Variants in PCNT observed in about 807,000 individuals in gnomAD.
PCNT encodes the protein kendrin.
In PCNT, 319 loss-of-function variants were observed where a neutral mutation model predicts 380.4. The ratio of observed to expected loss-of-function variants is 0.84; its 90% CI spans 0.77 to 0.92. The LOEUF is 0.92. PCNT is among the 40% of genes least tolerant of loss of function. The pLI is 0.00. For synonymous variants in PCNT, 1,845 were observed against 1,735.2 expected (o/e 1.06, Z -1.57); for missense variants, 4,400 against 4,255.3 (o/e 1.03, Z -0.95).
intron 15 of PCNT, among the ~76,000 whole-genome samples, chr21:46,380,582 C>T (rs1234673329): frequency 3.3e-5 from 5 of 151,830 alleles, no homozygotes; most frequent in African/African-American, 4.8e-5. Flanking sequence ...ATTCTGTCCC[C>T]CACCCCACCC....
chr21:46,380,583 C>T (rs574678495), intron 15 of PCNT, among the ~76,000 whole-genome samples: 30 of 152,044 alleles, frequency 2.0e-4, no homozygotes, highest in African/African-American at 6.8e-4. Context: ...TTCTGTCCCC[C>T]ACCCCACCCC....
Position 46,385,818 on chromosome 21 carries a change from AT to A in PCNT, c.3313-9del. ...AATTGTTTTAACGAAAGCTTTAACCATTTTTCTCGATAGCTGAAAGACCAGG... is the reference window on the plus strand; with the variant it reads ...AATTGTTTTAACGAAAGCTTTAACCATTTTCTCGATAGCTGAAAGACCAGG... On this transcript the variant is annotated splice_polypyrimidine_tract_variant and intron_variant, in intron 16 of 46. Transcript: ENST00000359568. The A allele has an allele frequency of 6.2e-7, 1 of 1,614,072 alleles. No individual in the cohort carries two copies. Among genetic ancestry groups the A allele is most frequent in the Non-Finnish European group, 8.5e-7 (1 of 1,179,950 alleles).
At position 46,354,039 on chromosome 21, in the gene PCNT, G is replaced by C. The variant is rs370083877; in HGVS notation, c.1732G>C (p.Val578Leu). Residue 578 changes from valine to leucine, a missense_variant, in exon 11 of 47, where the codon GTT becomes CTT. Val to Leu is a conservative substitution (Grantham distance 32). Coordinates refer to ENST00000359568, the MANE Select transcript of PCNT (RefSeq NM_006031.6). ...EKPEKGRKDH[V>L]DELEPERHKE... ...ACCTGAGAAAGGAAGAAAAGATCAC[G>C]TTGATGAACTCGAGCCTGAGCGACA... 6.2e-6 allele frequency: 10 copies of C among 1,613,998 alleles called. No individual in the cohort carries two copies. The highest frequency in any genetic ancestry group is 1.6e-4 in the Middle Eastern group (1 of 6,082).
rs746215755 is a variant in PCNT, at chr21:46,367,024, A to G, written c.3050A>G (p.Glu1017Gly). ...CAAACGATTTTGACTCAAGAGTTGGAGAAACTGAAGCGGAAACACGAAGGG... is the reference window on the plus strand; with the variant it reads ...CAAACGATTTTGACTCAAGAGTTGGGGAAACTGAAGCGGAAACACGAAGGG... ...LHQTILTQEL[E>G]KLKRKHEGEL... is the part of the protein sequence containing the mutation. The change falls in exon 15 of 47, where the codon GAG becomes GGG. Residue 1017 changes from glutamate to glycine, a missense_variant. Glu to Gly is a moderately conservative substitution (Grantham distance 98). Coordinates refer to ENST00000359568, the MANE Select transcript of PCNT (RefSeq NM_006031.6). 2 of 1,614,132 alleles carry G rather than the reference A, an allele frequency of 1.2e-6. No homozygotes were observed. The highest frequency in any genetic ancestry group is 8.5e-7 in the Non-Finnish European group (1 of 1,180,034).
intron 16 of PCNT, among the ~76,000 whole-genome samples, chr21:46,384,625 C>T (rs116943054): frequency 0.026 from 3,164 of 120,152 alleles, 354 homozygotes; most frequent in Middle Eastern, 0.077. Flanking sequence ...GAAGTGCATT[C>T]GTGGTGTGCA....
chr21:46,329,458 T>C (rs1423497996), intron 2 of PCNT, among the ~76,000 whole-genome samples: 1 of 152,246 alleles, frequency 6.6e-6, no homozygotes, highest in Non-Finnish European at 1.5e-5. Flanking sequence ...ATAAACACAT[T>C]AGGTTACTTA....
intron 15 of PCNT, among the ~76,000 whole-genome samples, chr21:46,379,200 G>A (rs919374856): frequency 2.0e-5 from 3 of 152,134 alleles, no homozygotes; most frequent in African/African-American, 7.2e-5. Context: ...TCAGTGCTGC[G>A]TGGGCTCTCC....
chr21:46,336,887 C>CG (rs1304034464), intron 3 of PCNT, among the ~76,000 whole-genome samples: 1 of 151,932 alleles, frequency 6.6e-6, no homozygotes, highest in Admixed American at 6.6e-5. Flanking sequence ...CTGCCCTCCC[C>CG]CCCAGGTTTA....
chr21:46,324,421 T>A (rs940481855), intron 1 of PCNT, 139 bp downstream of exon 1: 2 of 783,480 alleles, frequency 2.6e-6, no homozygotes, highest in Non-Finnish European at 4.4e-6. Context: ...TCCCGCCGGC[T>A]CCGCTGGAAG....
chr21:46,324,690 T>C lies in PCNT; in HGVS notation c.54+408T>C, dbSNP rs1490789164. ...GCGCGGCAGGCGCTGGACCCCAGGC[T>C]GGATCTTCCAGTGGCTCCCGCGTCC... On this transcript the variant is annotated intron_variant, in intron 1 of 46. Coordinates refer to ENST00000359568, the MANE Select transcript of PCNT (RefSeq NM_006031.6). Among the ~76,000 whole-genome samples, 3 of 151,980 alleles carry C rather than the reference T, an allele frequency of 2.0e-5. 1 individual carries two copies. Among genetic ancestry groups the C allele is most frequent in the African/African-American group, 7.2e-5 (3 of 41,484 alleles).
At chr21:46,438,696 C>T (rs1463442740) in intron 41 of PCNT, among the ~76,000 whole-genome samples, 9 of 140,318 alleles carry the variant, frequency 6.4e-5, no homozygotes, top group Non-Finnish European at 1.1e-4. Flanking sequence ...TTTTTGAGAC[C>T]GAGTCTTGCT....
chr21:46,425,683 G>T lies in PCNT; in HGVS notation c.7180-148G>T. 1 of 1,077,746 alleles carries T rather than the reference G, an allele frequency of 9.3e-7. No individual in the cohort carries two copies. The highest frequency in any genetic ancestry group is 2.4e-5 in the East Asian group (1 of 41,736). The allele number at this position is 1,077,746 out of a possible 1,614,324, so 66.8% of individuals were successfully genotyped here. ...CCTTGTAGCTTGAGAAGTGGGTGCCGCCTGTACGAAGCCGAGGCGGTGCCC... is the reference window on the plus strand; with the variant it reads ...CCTTGTAGCTTGAGAAGTGGGTGCCTCCTGTACGAAGCCGAGGCGGTGCCC... On this transcript the variant is annotated intron_variant, in intron 32 of 46. Coordinates refer to ENST00000359568, the MANE Select transcript of PCNT (RefSeq NM_006031.6). The surrounding 1 kb of genome is among the most constrained non-coding windows in gnomAD (Gnocchi z 4.2).
In PCNT at chr21:46,388,067, G is replaced by A. The variant is rs1014532843; in HGVS notation, c.3465-675G>A. The stretch of plus-strand genomic sequence containing the variant: ...CTACTAAAAATACAAAAAATTAGCC[G>A]GGCGTGGTGACAGACGCCTGTAGTC... On this transcript the variant is annotated intron_variant, in intron 17 of 46. Coordinates refer to ENST00000359568, the MANE Select transcript of PCNT (RefSeq NM_006031.6). The surrounding 1 kb of genome is among the most constrained non-coding windows in gnomAD (Gnocchi z 4.2). Among the ~76,000 whole-genome samples, 5 of 152,040 alleles carry A rather than the reference G, an allele frequency of 3.3e-5. No homozygotes were observed. Among genetic ancestry groups the A allele is most frequent in the African/African-American group, 4.8e-5 (2 of 41,380 alleles).
At chr21:46,436,521 C>T (rs1177017459) in intron 39 of PCNT, among the ~76,000 whole-genome samples, 2 of 146,508 alleles carry the variant, frequency 1.4e-5, no homozygotes, top group Non-Finnish European at 3.0e-5. Flanking sequence ...CAAGGCCACT[C>T]ACACCCAGGA....
At chr21:46,357,586 C>T (rs1459839782) in intron 13 of PCNT, among the ~76,000 whole-genome samples, 1 of 152,174 alleles carries the variant, frequency 6.6e-6, no homozygotes, top group Non-Finnish European at 1.5e-5. Flanking sequence ...GCCACCATGC[C>T]TGGCTAATTT....
intron 5 of PCNT, 131 bp from the exon 6 acceptor site, chr21:46,347,326 G>T: frequency 1.1e-6 from 1 of 888,708 alleles, no homozygotes; most frequent in Non-Finnish European, 1.9e-6. Context: ...CATCATCACA[G>T]ACACATCCTG....
At chr21:46,400,617 C>G (rs1185252592) in intron 25 of PCNT, among the ~76,000 whole-genome samples, 1 of 148,966 alleles carries the variant, frequency 6.7e-6, no homozygotes, top group African/African-American at 2.5e-5. Context: ...CTCCCGGGTT[C>G]AAGCGATCTC....
chr21:46,422,204 C>T (rs1487816953), intron 32 of PCNT, 80 bp downstream of exon 32: 28 of 1,556,856 alleles, frequency 1.8e-5, no homozygotes, highest in African/African-American at 9.5e-5. Flanking sequence ...CCTGCCTTGC[C>T]GGGGAGAGCC....
Position 46,349,065 on chromosome 21 carries a change from C to G in PCNT, c.1086C>G (p.Arg362=), listed in dbSNP as rs757848368. ...AAGATTTATGTTTAGAAAATCTACG[C>G]AAAGAACTGTCTGCAAAGCATCAAT... ...SEKDLCLENL[R]KELSAKHQSE... Residue 362 remains arginine, a synonymous_variant, in exon 7 of 47, where the codon CGC becomes CGG. Coordinates refer to ENST00000359568, the MANE Select transcript of PCNT (RefSeq NM_006031.6). The G allele has an allele frequency of 6.2e-7, 1 of 1,607,582 alleles. No individual in the cohort carries two copies. Among genetic ancestry groups the G allele is most frequent in the East Asian group, 2.2e-5 (1 of 44,854 alleles).
Sources: allele counts gnomAD v4.1 joint callset (sites outside exome capture counted in the v4.1 genomes callset), GRCh38; gene constraint gnomAD v4.1.1; non-coding constraint Gnocchi (gnomAD v3.1); transcripts MANE v1.5; gene names NCBI Gene and HGNC (gene_info 2026-07-23, HGNC 2026-07-21).